The following SOS1 variants were observed in gnomAD, a reference collection of about 807,000 sequenced individuals.
SOS1 encodes SOS Ras/Rac guanine nucleotide exchange factor 1.
A neutral mutation model predicts 157.6 loss-of-function variants in SOS1; 25 were observed. The ratio of observed to expected loss-of-function variants is 0.16; its 90% CI spans 0.12 to 0.22. The LOEUF (loss-of-function observed/expected upper bound fraction) is 0.22, where lower values mean the gene tolerates loss of function less well. SOS1 is among the 10% of genes least tolerant of loss of function. The probability of loss-of-function intolerance (pLI) is 1.00; values close to 1 mark genes in which losing one functional copy is unlikely to be tolerated. For synonymous variants in SOS1, 528 were observed against 534.0 expected, an observed-to-expected ratio of 0.99 and a Z score of 0.16; for missense variants, 1,237 against 1,599.1, an observed-to-expected ratio of 0.77 and a Z score of 3.86.
At chr2:39,013,184 C>T (rs1177369716) in intron 13 of SOS1, among the ~76,000 whole-genome samples, 1 of 152,050 alleles carries the variant, frequency 6.6e-6, no homozygotes, top group Non-Finnish European at 1.5e-5. Flanking sequence ...CCCAAATGCC[C>T]TCATACTTTG....
At position 38,985,762 on chromosome 2, in the gene SOS1, G is replaced by C; in HGVS notation, c.*62C>G. 6.3e-7 allele frequency: 1 copy of C among 1,589,964 alleles called. No homozygotes were observed. Among genetic ancestry groups the C allele is most frequent in the South Asian group, 1.1e-5 (1 of 89,958 alleles). On this transcript the variant is annotated 3_prime_UTR_variant, in exon 23 of 23. Coordinates refer to ENST00000402219, the MANE Select transcript of SOS1 (RefSeq NM_005633.4). ...TAACTCCTCAGTGCTGGCACATTCA[G>C]TGCATCCATTGCCAGCAATGGATTT...
chr2:38,984,262 G>A lies in SOS1; in HGVS notation c.*1562C>T, dbSNP rs1419525987. ...TACTGCACATTTCACAGACATTATA[G>A]TGGAGATTAATAAAATGTTTTCTCT... On this transcript the variant is annotated 3_prime_UTR_variant, in exon 23 of 23. Coordinates refer to ENST00000402219, the MANE Select transcript of SOS1 (RefSeq NM_005633.4). 1 of 152,162 alleles carries A rather than the reference G, an allele frequency of 6.6e-6. No homozygotes were observed. The highest frequency in any genetic ancestry group is 2.4e-5 in the African/African-American group (1 of 41,436). 9.4% of individuals were successfully genotyped at this position (152,162 alleles called of 1,614,324 possible).
intron 15 of SOS1, among the ~76,000 whole-genome samples, chr2:39,007,887 T>C (rs965968219): frequency 6.6e-6 from 1 of 151,966 alleles, no homozygotes; most frequent in Non-Finnish European, 1.5e-5. Context: ...TGAGAGCAAA[T>C]GGCAAAAGAA....
In SOS1 at chr2:38,985,647, C is replaced by T. The variant is rs1178366671; in HGVS notation, c.*177G>A. ...CTTTCCATATTCTAAACTGGAATAC[C>T]ATTTCCATTGTATAATTACATCTAG... On this transcript the variant is annotated 3_prime_UTR_variant, in exon 23 of 23. Coordinates refer to ENST00000402219, the MANE Select transcript of SOS1 (RefSeq NM_005633.4). 2 of 734,536 alleles carry T rather than the reference C, an allele frequency of 2.7e-6. No homozygotes were observed. Among genetic ancestry groups the T allele is most frequent in the Non-Finnish European group, 4.6e-6 (2 of 435,132 alleles). The allele number at this position is 734,536 out of a possible 1,614,324, so 45.5% of individuals were successfully genotyped here.
At chr2:39,122,473 C>T (rs983972540), upstream of SOS1, among the ~76,000 whole-genome samples, 2 of 113,758 alleles carry the variant, frequency 1.8e-5, no homozygotes, top group Non-Finnish European at 3.9e-5. Flanking sequence ...CACACACACA[C>T]ATACACACAG....
chr2:39,014,228 A>C (rs1045052487), intron 11 of SOS1, among the ~76,000 whole-genome samples: 4 of 152,076 alleles, frequency 2.6e-5, no homozygotes. Flanking sequence ...CTACAAACAA[A>C]ATAAAGAATA....
chr2:39,083,071 AG>A (rs1672263980), intron 1 of SOS1, among the ~76,000 whole-genome samples: 1 of 152,208 alleles, frequency 6.6e-6, no homozygotes, highest in Non-Finnish European at 1.5e-5. Context: ...TTATATAAAT[AG>A]GCAGTTCTAG....
chr2:38,986,159 G>A lies in SOS1; in HGVS notation c.3667C>T (p.Pro1223Ser), dbSNP rs1353982573. 1.2e-6 allele frequency: 2 copies of A among 1,613,868 alleles called. No individual in the cohort carries two copies. Among genetic ancestry groups the A allele is most frequent in the Non-Finnish European group, 1.7e-6 (2 of 1,179,882 alleles). The change falls in exon 23 of 23, where the codon CCT (proline) becomes TCT (serine). Residue 1223 changes from proline to serine, a missense_variant. Pro to Ser is a moderately conservative substitution (Grantham distance 74). Transcript: ENST00000402219. Reference protein sequence around the residue: ...LLPPREPVRTPDVFSSSPLHL... With the variant: ...LLPPREPVRTSDVFSSSPLHL... ...AGTGGTGAGCTTGAGAAAACATCAG[G>A]TGTCCTCACAGGTTCTCGTGGTGGT...
At chr2:38,996,411 C>G (rs956477238) in intron 19 of SOS1, among the ~76,000 whole-genome samples, 1 of 152,106 alleles carries the variant, frequency 6.6e-6, no homozygotes, top group Non-Finnish European at 1.5e-5. Flanking sequence ...TTTTTATGAA[C>G]AAGAGAGTAC....
intron 1 of SOS1, among the ~76,000 whole-genome samples, chr2:39,100,693 A>G (rs1420150085): frequency 6.6e-6 from 1 of 152,206 alleles, no homozygotes; most frequent in Non-Finnish European, 1.5e-5. Flanking sequence ...AGGCAGGAGG[A>G]TTCCTTGAGA....
At chr2:39,063,156 T>C (rs1325054755) in intron 2 of SOS1, among the ~76,000 whole-genome samples, 2 of 152,098 alleles carry the variant, frequency 1.3e-5, no homozygotes, top group Admixed American at 1.3e-4. Context: ...AGGGTCTCAC[T>C]CTGTCACCCA....
intron 1 of SOS1, among the ~76,000 whole-genome samples, chr2:39,086,449 T>C (rs932095269): frequency 6.6e-6 from 1 of 152,198 alleles, no homozygotes; most frequent in African/African-American, 2.4e-5. Flanking sequence ...TCCATTATGC[T>C]TGAGATCTTT....
intron 8 of SOS1, among the ~76,000 whole-genome samples, chr2:39,026,152 T>G (rs1005099224): frequency 6.6e-6 from 1 of 151,924 alleles, no homozygotes; most frequent in African/African-American, 2.4e-5. Flanking sequence ...GTCAGGAGTT[T>G]GAGACCAGCC....
chr2:39,051,037 C>T (rs1483849665), intron 6 of SOS1, 107 bp downstream of exon 6: 2 of 1,010,612 alleles, frequency 2.0e-6, no homozygotes, highest in Non-Finnish European at 3.1e-6. Context: ...GATAAATAGT[C>T]AACAATTAGT....
intron 8 of SOS1, among the ~76,000 whole-genome samples, chr2:39,031,914 G>A (rs1184132815): frequency 6.6e-6 from 1 of 152,120 alleles, no homozygotes; most frequent in Admixed American, 6.6e-5. Context: ...AACTTTTCAA[G>A]TTAAAGAGTG....
intron 2 of SOS1, among the ~76,000 whole-genome samples, chr2:39,059,031 T>C (rs1273566147): frequency 1.3e-5 from 2 of 152,078 alleles, no homozygotes; most frequent in Non-Finnish European, 2.9e-5. Flanking sequence ...AGGGGGAATA[T>C]CACATCCTGA....
chr2:38,998,222 T>C (rs1668963884), intron 17 of SOS1, among the ~76,000 whole-genome samples: 2 of 152,158 alleles, frequency 1.3e-5, no homozygotes, highest in South Asian at 4.1e-4. Context: ...GCCTTCTCTG[T>C]GTGTGATCTT....
At chr2:39,108,830 T>C (rs1244994083) in intron 1 of SOS1, among the ~76,000 whole-genome samples, 4 of 151,936 alleles carry the variant, frequency 2.6e-5, no homozygotes, top group African/African-American at 9.7e-5. Context: ...AGGTTCAAGG[T>C]TACAGTGAGC....
At position 39,083,790 on chromosome 2, in the gene SOS1, A is replaced by G. The variant is rs568106131; in HGVS notation, c.88-16037T>C. Among the ~76,000 whole-genome samples, 483 of 152,336 alleles carry G rather than the reference A, an allele frequency of 3.2e-3. 3 individuals carry two copies. The highest frequency in any genetic ancestry group is 0.011 in the African/African-American group (460 of 41,576). ...ATTTTATTGCATGGTGGCAAAAAACAAAAATAATGTAAATGACCACCAGTA... is the reference window on the plus strand; with the variant it reads ...ATTTTATTGCATGGTGGCAAAAAACGAAAATAATGTAAATGACCACCAGTA... On this transcript the variant is annotated intron_variant, in intron 1 of 22. Transcript: ENST00000402219.
Sources: gnomAD v4.1 joint callset for allele counts (sites outside exome capture counted in the v4.1 genomes callset) on GRCh38, gnomAD v4.1.1 for gene constraint, MANE v1.5 for transcripts, NCBI Gene and HGNC (gene_info 2026-07-23, HGNC 2026-07-21) for gene names.